The following AVEN variants were observed in gnomAD, a reference collection of about 807,000 sequenced individuals.
AVEN encodes apoptosis and caspase activation inhibitor.
Under a neutral mutation model 38.1 loss-of-function variants are expected in AVEN, and 41 were observed. The observed-to-expected ratio is 1.08, with a 90% confidence interval of 0.84 to 1.40. AVEN has a LOEUF of 1.40. Among genes scored for constraint, AVEN ranks in the 40% most tolerant of loss-of-function variants. The pLI is 0.00. For synonymous variants in AVEN, 206 were observed against 171.8 expected (o/e 1.20, Z -1.56); for missense variants, 605 against 438.8 (o/e 1.38, Z -3.38).
chr15:33,854,783 C>G (rs1395244417), downstream of AVEN: 1 of 1,609,704 alleles, frequency 6.2e-7, no homozygotes, highest in South Asian at 1.1e-5. Context: ...TCTACCTTGC[C>G]TGGTATACAA....
At chr15:33,922,443 C>A (rs1567415209) in intron 2 of AVEN, among the ~76,000 whole-genome samples, 3 of 128,572 alleles carry the variant, frequency 2.3e-5, no homozygotes, top group South Asian at 2.4e-4. Context: ...ACTTTTTTTT[C>A]TCTTATTTTT....
chr15:33,940,951 T>C (rs1281211971), intron 2 of AVEN, among the ~76,000 whole-genome samples: 5 of 152,196 alleles, frequency 3.3e-5, no homozygotes, highest in African/African-American at 1.2e-4. Context: ...TCCTAATCCA[T>C]TGTTCCACGG....
At chr15:34,047,240 G>A (rs1017102537) in intron 5 of AVEN, among the ~76,000 whole-genome samples, 6 of 151,940 alleles carry the variant, frequency 3.9e-5, no homozygotes, top group African/African-American at 1.2e-4. Context: ...ACCATGCCCT[G>A]CTAACTTTTT....
intron 1 of AVEN, among the ~76,000 whole-genome samples, chr15:34,070,655 G>A (rs2684944): frequency 6.6e-6 from 1 of 152,150 alleles, no homozygotes; most frequent in Non-Finnish European, 1.5e-5. Flanking sequence ...GTGGGTCCTA[G>A]AAAAGAAGAC....
intron 1 of AVEN, among the ~76,000 whole-genome samples, chr15:34,007,632 C>T (rs1424420601): frequency 3.3e-5 from 5 of 152,190 alleles, no homozygotes; most frequent in Admixed American, 3.3e-4. Flanking sequence ...CACTTCCACA[C>T]TTTTAGGTAT....
downstream of AVEN, among the ~76,000 whole-genome samples, chr15:33,855,173 G>A (rs1187016132): frequency 6.6e-6 from 1 of 152,006 alleles, no homozygotes; most frequent in African/African-American, 2.4e-5. Context: ...AGGGAGGGAG[G>A]TGATGGACAT....
intron 1 of AVEN, among the ~76,000 whole-genome samples, chr15:34,007,834 G>T (rs796402935): frequency 2.0e-5 from 3 of 152,288 alleles, no homozygotes; most frequent in African/African-American, 7.2e-5. Context: ...TCTATTCCAT[G>T]ACCTTCTCCA....
chr15:33,857,662 C>G (rs1319840503), downstream of AVEN: 4 of 1,293,844 alleles, frequency 3.1e-6, no homozygotes, highest in South Asian at 4.2e-5. Context: ...CACCCCTTCC[C>G]CATTTCCTCT....
chr15:33,927,397 T>C (rs1381111168), intron 2 of AVEN, among the ~76,000 whole-genome samples: 4 of 149,466 alleles, frequency 2.7e-5, no homozygotes, highest in Admixed American at 6.6e-5. Flanking sequence ...ATAATAATAA[T>C]AGTTAATAAT....
At chr15:34,008,224 C>A (rs977501366) in intron 1 of AVEN, among the ~76,000 whole-genome samples, 1 of 151,834 alleles carries the variant, frequency 6.6e-6, no homozygotes, top group African/African-American at 2.4e-5. Context: ...AGTTCAAGAC[C>A]AGCCTAGGCA....
Position 33,962,919 on chromosome 15 carries a change from C to CA in AVEN, c.445+40112dup, listed in dbSNP as rs57807791. ...TGGGCGACACAGCGAAACTCGTTCT[C>CA]AAAAAAAAAAAAAAAAAAAAAAAAA... is the stretch of plus-strand genomic sequence containing the variant. On this transcript the variant is annotated intron_variant, in intron 2 of 5. Coordinates refer to ENST00000306730, the MANE Select transcript of AVEN (RefSeq NM_020371.3). 3.4e-4 allele frequency among the ~76,000 whole-genome samples: 28 copies of CA among 81,922 alleles called. 4 individuals carry two copies. The highest frequency in any genetic ancestry group is 1.5e-3 in the African/African-American group (27 of 18,434). The allele number at this position is 81,922 out of a possible 152,430, so 53.7% of individuals were successfully genotyped here.
At chr15:34,068,835 G>A (rs1049319717) in intron 2 of AVEN, among the ~76,000 whole-genome samples, 6 of 134,450 alleles carry the variant, frequency 4.5e-5, no homozygotes, top group African/African-American at 1.1e-4. Flanking sequence ...TTTTTGAGAC[G>A]GAGTCTCGCT....
chr15:34,049,290 A>G (rs539584), intron 5 of AVEN, among the ~76,000 whole-genome samples: 99,025 of 151,986 alleles, frequency 0.65, 33,456 homozygotes, highest in South Asian at 0.78. Context: ...ACCCAATGCA[A>G]GGGAGCTATG....
chr15:33,923,527 C>T (rs539409729), intron 2 of AVEN, among the ~76,000 whole-genome samples: 115 of 152,284 alleles, frequency 7.6e-4, no homozygotes, highest in Middle Eastern at 6.8e-3. Context: ...TTGTGGGTCA[C>T]ACAGTCTCTG....
Position 33,882,539 on chromosome 15 carries a change from T to C in AVEN, c.446-6544A>G, listed in dbSNP as rs558344517. On this transcript the variant is annotated intron_variant, in intron 2 of 5. Coordinates refer to ENST00000306730, the MANE Select transcript of AVEN (RefSeq NM_020371.3). ...AATAAGAGATTTTTAAATCAAATAA[T>C]TGTGTGAAGAAGCAAAAATGTTAAA... Among the ~76,000 whole-genome samples, 7 of 145,578 alleles carry C rather than the reference T, an allele frequency of 4.8e-5. No homozygotes were observed. The South Asian group carries it at 1.3e-3, about 27-fold the overall frequency.
chr15:33,964,471 A>C (rs1275079535), intron 2 of AVEN, among the ~76,000 whole-genome samples: 1 of 152,206 alleles, frequency 6.6e-6, no homozygotes, highest in Non-Finnish European at 1.5e-5. Context: ...TAGAAGATAA[A>C]AATGCAATCT....
chr15:34,008,236 C>A (rs960658134), intron 1 of AVEN, among the ~76,000 whole-genome samples: 2 of 151,842 alleles, frequency 1.3e-5, no homozygotes, highest in African/African-American at 4.8e-5. Context: ...GCCTAGGCAA[C>A]ATAGCAAGAC....
chr15:33,854,358 A>G (rs115350570), downstream of AVEN: 157 of 1,538,720 alleles, frequency 1.0e-4, no homozygotes, highest in African/African-American at 1.9e-3. Context: ...CTTGACATTT[A>G]TAAGTTTTAA....
rs1894933691 is a variant in AVEN, at chr15:33,955,897, G to A, written c.445+47135C>T. 2.0e-5 allele frequency among the ~76,000 whole-genome samples: 3 copies of A among 152,308 alleles called. No individual in the cohort carries two copies. In the South Asian group the frequency reaches 6.2e-4, roughly 32 times the overall value. On this transcript the variant is annotated intron_variant, in intron 2 of 5. Coordinates refer to ENST00000306730, the MANE Select transcript of AVEN (RefSeq NM_020371.3). ...CTAAACCAGTAGAGATGTGTTTCAT[G>A]TATTCAGCATCTTCATATATATTCT...
Sources: allele counts gnomAD v4.1 joint callset (sites outside exome capture counted in the v4.1 genomes callset), GRCh38; gene constraint gnomAD v4.1.1; transcripts MANE v1.5; gene names NCBI Gene and HGNC (gene_info 2026-07-23, HGNC 2026-07-21).